Variants in DENND1A observed in about 807,000 individuals in gnomAD.
DENND1A encodes DENN domain-containing protein 1A.
DENND1A carries 51 observed loss-of-function variants against 113.7 expected under a neutral mutation model. The observed-to-expected ratio is 0.45, with a 90% CI of 0.36 to 0.57. The LOEUF (loss-of-function observed/expected upper bound fraction) is 0.57. Among genes scored for constraint, DENND1A ranks in the 20% least tolerant of loss-of-function variants. DENND1A has a pLI of 0.00. For missense variants in DENND1A, 1,258 were observed against 1,395.9 expected, an observed-to-expected ratio of 0.90 and a Z score of 1.57; for synonymous variants, 565 against 570.8, an observed-to-expected ratio of 0.99 and a Z score of 0.14.
chr9:123,743,339 T>C (rs544335129), intron 5 of DENND1A, among the ~76,000 whole-genome samples: 15 of 151,946 alleles, frequency 9.9e-5, no homozygotes, highest in African/African-American at 3.6e-4. Flanking sequence ...AGGCAGAGGC[T>C]GCAGTGAGCC....
chr9:123,438,939 C>T (rs2046725871), intron 19 of DENND1A, among the ~76,000 whole-genome samples: 1 of 152,232 alleles, frequency 6.6e-6, no homozygotes, highest in African/African-American at 2.4e-5. Flanking sequence ...TCCCCCGCCC[C>T]CTCTTTCTCT....
intron 10 of DENND1A, among the ~76,000 whole-genome samples, chr9:123,629,311 T>C (rs746743776): frequency 2.6e-5 from 4 of 152,242 alleles, no homozygotes. Context: ...CCTGTCTGTG[T>C]ACCATGCTCC....
intron 2 of DENND1A, among the ~76,000 whole-genome samples, chr9:123,878,705 C>T (rs1468506626): frequency 6.7e-6 from 1 of 149,548 alleles, no homozygotes; most frequent in Non-Finnish European, 1.5e-5. Context: ...CAAACCAAGA[C>T]CCAATGATTA....
chr9:123,789,613 C>A (rs1347261299), intron 3 of DENND1A, among the ~76,000 whole-genome samples: 3 of 152,090 alleles, frequency 2.0e-5, no homozygotes, highest in Non-Finnish European at 4.4e-5. Context: ...ACGCAGACAA[C>A]TGGCCCAACA....
At position 123,457,400 on chromosome 9, in the gene DENND1A, G is replaced by C. The variant is rs151055320; in HGVS notation, c.1134C>G (p.Gly378=). 7 of 1,613,862 alleles carry C rather than the reference G, an allele frequency of 4.3e-6. No homozygotes were observed. Among genetic ancestry groups the C allele is most frequent in the Non-Finnish European group, 5.9e-6 (7 of 1,179,968 alleles). ...CTTCAAAAACATCACTGAAACCTTC[G>C]CCGGAATTGAGAAGATCTAATCGAC... ...IDGRLDLLNS[G]EGFSDVFEEE... The change falls in exon 15 of 24, where the codon GGC becomes GGG. Residue 378 remains glycine, a synonymous_variant. Transcript: ENST00000394215.
intron 1 of DENND1A, among the ~76,000 whole-genome samples, chr9:123,904,639 C>T (rs1326655931): frequency 6.7e-5 from 10 of 149,698 alleles, no homozygotes; most frequent in Middle Eastern, 3.4e-3. Flanking sequence ...TGAAATGAAG[C>T]GAGAAGGGAA....
At chr9:123,579,123 G>A (rs149785795) in intron 12 of DENND1A, among the ~76,000 whole-genome samples, 1 of 152,300 alleles carries the variant, frequency 6.6e-6, no homozygotes, top group East Asian at 1.9e-4. Context: ...ATGCCCTGCG[G>A]ATCATAATTC....
At chr9:123,640,972 C>A (rs1312376963) in intron 9 of DENND1A, among the ~76,000 whole-genome samples, 1 of 152,240 alleles carries the variant, frequency 6.6e-6, no homozygotes, top group Non-Finnish European at 1.5e-5. Flanking sequence ...GCAGGGCTGT[C>A]TGACACATCT....
At position 123,450,709 on chromosome 9, in the gene DENND1A, T is replaced by G; in HGVS notation, c.1340A>C (p.Asn447Thr). ...TTCAAGTACCTTTTGCTTCAAGCGG[T>G]TTTTCACCTCTTTTATTCCCATTTT... is the stretch of plus-strand genomic sequence containing the variant. ...HAKMGIKEVK[N>T]RLKQKDIAEN... Residue 447 changes from asparagine to threonine, a missense_variant, in exon 18 of 24, where the codon AAC (asparagine) becomes ACC (threonine). Asn to Thr is a moderately conservative substitution (Grantham distance 65). Around this residue, in one of 2 missense-constraint regions of DENND1A, gnomAD observed 1,159 missense variants for 1,231.7 expected, o/e 0.94. Coordinates refer to ENST00000394215, the MANE Select transcript of DENND1A (RefSeq NM_001352964.2). 6.2e-7 allele frequency: 1 copy of G among 1,610,682 alleles called. No individual in the cohort carries two copies. The highest frequency in any genetic ancestry group is 8.5e-7 in the Non-Finnish European group (1 of 1,179,216).
chr9:123,402,040 T>C (rs2043513844), intron 21 of DENND1A: 1 of 1,287,200 alleles, frequency 7.8e-7, no homozygotes, highest in African/African-American at 1.5e-5. Context: ...ATGTGACAAA[T>C]TTCATCCCCT....
chr9:123,430,669 C>T (rs1222251395), intron 19 of DENND1A, among the ~76,000 whole-genome samples: 1 of 152,080 alleles, frequency 6.6e-6, no homozygotes, highest in East Asian at 1.9e-4. Flanking sequence ...TGGAGCCTGT[C>T]AGTGGTGGGT....
At chr9:123,876,076 T>C (rs1847413905) in intron 2 of DENND1A, among the ~76,000 whole-genome samples, 1 of 152,244 alleles carries the variant, frequency 6.6e-6, no homozygotes, top group Admixed American at 6.5e-5. Context: ...GCTTACTGGA[T>C]GCACTGAAAA....
intron 3 of DENND1A, among the ~76,000 whole-genome samples, chr9:123,775,299 T>G (rs971290681): frequency 6.6e-6 from 1 of 152,216 alleles, no homozygotes; most frequent in Non-Finnish European, 1.5e-5. Context: ...GGTAATTCCT[T>G]GGACTTAATA....
At chr9:123,588,400 C>G (rs1235914096) in intron 11 of DENND1A, among the ~76,000 whole-genome samples, 1 of 151,418 alleles carries the variant, frequency 6.6e-6, no homozygotes, top group African/African-American at 2.4e-5. Context: ...GGGTGGATCA[C>G]CTGAGGTCAG....
At position 123,539,699 on chromosome 9, in the gene DENND1A, C is replaced by T. The variant is rs537055680; in HGVS notation, c.993+17871G>A. On this transcript the variant is annotated intron_variant, in intron 13 of 23. Coordinates refer to ENST00000394215, the MANE Select transcript of DENND1A (RefSeq NM_001352964.2). ...GAGAGCGAGACCATCCTGGCTAACACGGTGAAACCCCATCTCCACTAAAAA... is the reference window on the plus strand; with the variant it reads ...GAGAGCGAGACCATCCTGGCTAACATGGTGAAACCCCATCTCCACTAAAAA... 7.9e-5 allele frequency among the ~76,000 whole-genome samples: 12 copies of T among 151,946 alleles called. No individual in the cohort carries two copies. The South Asian group carries it at 1.5e-3, about 18-fold the overall frequency.
intron 21 of DENND1A, among the ~76,000 whole-genome samples, chr9:123,394,565 C>T (rs749792183): frequency 3.5e-4 from 54 of 152,220 alleles, no homozygotes; most frequent in Non-Finnish European, 5.9e-4. Context: ...TTTATTCGGG[C>T]ATTTATTTGA....
At chr9:123,912,591 T>G (rs947913515) in intron 1 of DENND1A, among the ~76,000 whole-genome samples, 1 of 152,160 alleles carries the variant, frequency 6.6e-6, no homozygotes, top group Non-Finnish European at 1.5e-5. Context: ...GTTTCTGGGC[T>G]GTGATGAGGA....
intron 8 of DENND1A, among the ~76,000 whole-genome samples, chr9:123,659,990 T>G (rs904348657): frequency 2.0e-5 from 3 of 152,232 alleles, no homozygotes; most frequent in Non-Finnish European, 4.4e-5. Context: ...TGCTTCATTT[T>G]GTAATTTGCT....
At chr9:123,385,003 C>T (rs897670591) in intron 22 of DENND1A, among the ~76,000 whole-genome samples, 1 of 152,102 alleles carries the variant, frequency 6.6e-6, no homozygotes, top group Non-Finnish European at 1.5e-5. Flanking sequence ...AAACCCCACA[C>T]CACTACTTTG....
Sources: gnomAD v4.1 joint callset for allele counts (sites outside exome capture counted in the v4.1 genomes callset) on GRCh38, gnomAD v4.1.1 for gene constraint, gnomAD v4.1.1 regional missense constraint, MANE v1.5 for transcripts, NCBI Gene and HGNC (gene_info 2026-07-23, HGNC 2026-07-21) for gene names.